The following UGCG variants were observed in gnomAD, a reference collection of about 807,000 sequenced individuals.
The protein encoded by UGCG is UDP-glucose ceramide glucosyltransferase.
A neutral mutation model predicts 49.5 loss-of-function variants in UGCG; 10 were observed. That is an observed-to-expected ratio of 0.20 (90% CI 0.12 to 0.34). The LOEUF (loss-of-function observed/expected upper bound fraction) is 0.34, where lower values mean the gene tolerates loss of function less well. Ranked by LOEUF, UGCG falls within the 10% of genes least tolerant of loss-of-function variation. The pLI is 1.00. For synonymous variants in UGCG, 182 were observed against 158.2 expected (o/e 1.15, Z -1.13); for missense variants, 312 against 483.7 (o/e 0.65, Z 3.33).
intron 4 of UGCG, among the ~76,000 whole-genome samples, chr9:111,925,540 T>C (rs985679801): frequency 1.3e-5 from 2 of 152,182 alleles, no homozygotes; most frequent in Admixed American, 6.5e-5. Context: ...CCCTTCTCAG[T>C]AGTAAAAGCA....
rs57039844 is a variant in UGCG at position 111,933,151 on chromosome 9, GAA to G, written c.*167_*168del. The G allele has an allele frequency of 2.6e-3, 1,060 of 413,680 alleles. No homozygotes were observed. The highest frequency in any genetic ancestry group is 8.1e-3 in the African/African-American group (353 of 43,794). 25.6% of individuals were successfully genotyped at this position (413,680 alleles called of 1,614,324 possible). A position where few individuals can be genotyped will look rare whatever the true frequency, so the allele number is the denominator to read the frequency against. On this transcript the variant is annotated 3_prime_UTR_variant, in exon 9 of 9. Transcript: ENST00000374279. ...ATTTTTGCATGGCACTTGCATCTGT[GAA>G]AAAAAAAAAAAACACATCTGTAGTC... is the stretch of plus-strand genomic sequence containing the variant.
chr9:111,902,860 C>G (rs990051549), intron 1 of UGCG, among the ~76,000 whole-genome samples: 2 of 151,960 alleles, frequency 1.3e-5, no homozygotes, highest in Non-Finnish European at 2.9e-5. Context: ...TTACTGCAAC[C>G]TCCGCCTTCT....
At chr9:111,915,156 G>GA (rs1262951142) in intron 2 of UGCG, among the ~76,000 whole-genome samples, 1 of 152,210 alleles carries the variant, frequency 6.6e-6, no homozygotes, top group East Asian at 1.9e-4. Context: ...CTTCTCCGGA[G>GA]AAACTGGCTT....
chr9:111,932,787 A>C, intron 8 of UGCG, 40 bp from the exon 9 acceptor site: 1 of 1,495,570 alleles, frequency 6.7e-7, no homozygotes, highest in South Asian at 1.4e-5. Context: ...CTTTAGTTTG[A>C]CAGTGAGTGA....
intron 6 of UGCG, 40 bp downstream of exon 6, chr9:111,929,718 A>G: frequency 6.2e-7 from 1 of 1,601,910 alleles, no homozygotes; most frequent in African/African-American, 1.3e-5. Context: ...TTTATTACCT[A>G]ACTTCTGTTG....
intron 2 of UGCG, among the ~76,000 whole-genome samples, chr9:111,921,648 CAA>C (rs1329952563): frequency 3.3e-5 from 4 of 121,314 alleles, no homozygotes; most frequent in Non-Finnish European, 1.8e-5. Flanking sequence ...GACTCTGTCT[CAA>C]AAAAAAAAAA....
chr9:111,898,497 A>G (rs1053241590), intron 1 of UGCG, among the ~76,000 whole-genome samples: 1 of 151,872 alleles, frequency 6.6e-6, no homozygotes, highest in Non-Finnish European at 1.5e-5. Context: ...GAGAAAGATG[A>G]TGCTGGTACA....
rs1456985288 is a variant in UGCG, at chr9:111,896,858, G to C, written c.-358G>C. On this transcript the variant is annotated 5_prime_UTR_variant, in exon 1 of 9. Coordinates refer to ENST00000374279, the MANE Select transcript of UGCG (RefSeq NM_003358.3). ...GTGGAGCTGCTCGGCCGGGAGCCCG[G>C]CGGCGAGACGGAGAGGCGGCGGAGG... 5 of 153,622 alleles carry C rather than the reference G, an allele frequency of 3.3e-5. No homozygotes were observed. The highest frequency in any genetic ancestry group is 1.2e-4 in the African/African-American group (5 of 41,406). The allele number at this position is 153,622 out of a possible 1,614,324, so 9.5% of individuals were successfully genotyped here. A position where few individuals can be genotyped will look rare whatever the true frequency, so the allele number is the denominator to read the frequency against.
chr9:111,930,449 C>T (rs866918514), intron 6 of UGCG, among the ~76,000 whole-genome samples: 2 of 149,158 alleles, frequency 1.3e-5, no homozygotes, highest in African/African-American at 4.9e-5. Context: ...TTCTCTATCA[C>T]AAAATACTTG....
intron 4 of UGCG, among the ~76,000 whole-genome samples, chr9:111,925,283 T>G (rs1838297104): frequency 6.6e-6 from 1 of 152,332 alleles, no homozygotes; most frequent in East Asian, 1.9e-4. Context: ...ACACATACAC[T>G]TATCGGACTA....
chr9:111,915,307 G>T (rs183841561), intron 2 of UGCG, among the ~76,000 whole-genome samples: 54 of 152,274 alleles, frequency 3.5e-4, no homozygotes, highest in African/African-American at 1.1e-3. Context: ...TGTAAACTCA[G>T]TGTACTCCCT....
intron 1 of UGCG, among the ~76,000 whole-genome samples, chr9:111,907,709 C>A (rs150743690): frequency 0.018 from 2,679 of 151,578 alleles, 42 homozygotes; most frequent in East Asian, 0.059. Context: ...ACTGCAACCT[C>A]CGCCTCCCGG....
rs1037098091 is a variant in UGCG at position 111,906,415 on chromosome 9, T to TTG, written c.99-8180_99-8179dup. 4.6e-5 allele frequency among the ~76,000 whole-genome samples: 7 copies of TTG among 151,828 alleles called. No individual in the cohort carries two copies. The East Asian group carries it at 1.2e-3, about 25-fold the overall frequency. On this transcript the variant is annotated intron_variant, in intron 1 of 8. Transcript: ENST00000374279. ...ACTTTGCTTCCTTCGCTTGTTTCTT[T>TTG]TGTGTGTGTGTTTTGTTTTGTTTTG...
intron 1 of UGCG, among the ~76,000 whole-genome samples, chr9:111,898,354 T>C (rs1837705186): frequency 6.6e-6 from 1 of 151,954 alleles, no homozygotes; most frequent in Non-Finnish European, 1.5e-5. Flanking sequence ...TGTATGTTAG[T>C]GGAAGAGACT....
In UGCG at chr9:111,897,206, G is replaced by C; in HGVS notation, c.-10G>C. The C allele has an allele frequency of 3.2e-6, 5 of 1,543,294 alleles. No homozygotes were observed. Among genetic ancestry groups the C allele is most frequent in the Non-Finnish European group, 4.4e-6 (5 of 1,146,114 alleles). ...CCGCAGCGGGCCGGGCCGGTCCGGC[G>C]GGCCGGGGGATGGCGCTGCTGGACC... On this transcript the variant is annotated 5_prime_UTR_variant, in exon 1 of 9. Coordinates refer to ENST00000374279, the MANE Select transcript of UGCG (RefSeq NM_003358.3).
intron 5 of UGCG, among the ~76,000 whole-genome samples, chr9:111,927,570 G>A (rs1384878091): frequency 6.6e-6 from 1 of 152,074 alleles, no homozygotes; most frequent in South Asian, 2.1e-4. Flanking sequence ...TCCTGCCTCA[G>A]CCTCCTGAGT....
rs202132190 is a variant in UGCG at position 111,906,184 on chromosome 9, GA to G, written c.99-8420del. ...TCTCCTAGATGAGATGTCACCACTT[GA>G]TGTCTTGAGAGTAAATTAAAGTTCG... On this transcript the variant is annotated intron_variant, in intron 1 of 8. Coordinates refer to ENST00000374279, the MANE Select transcript of UGCG (RefSeq NM_003358.3). Among the ~76,000 whole-genome samples, 1,493 of 152,196 alleles carry G rather than the reference GA, an allele frequency of 9.8e-3. 34 individuals are homozygous for G. Among genetic ancestry groups the G allele is most frequent in the African/African-American group, 0.034 (1,399 of 41,508 alleles).
Position 111,897,222 on chromosome 9 carries a change from C to T in UGCG, c.7C>T (p.Leu3=). Residue 3 remains leucine (L), a synonymous_variant, in exon 1 of 9, where the codon CTG becomes TTG. Transcript: ENST00000374279. ...CGGTCCGGCGGGCCGGGGGATGGCGCTGCTGGACCTGGCCTTGGAGGGAAT... is the reference window on the plus strand; with the variant it reads ...CGGTCCGGCGGGCCGGGGGATGGCGTTGCTGGACCTGGCCTTGGAGGGAAT... MA[L]LDLALEGMAV... 1.3e-6 allele frequency: 2 copies of T among 1,547,574 alleles called. No homozygotes were observed. Among genetic ancestry groups the T allele is most frequent in the South Asian group, 1.2e-5 (1 of 84,024 alleles).
intron 1 of UGCG, among the ~76,000 whole-genome samples, chr9:111,906,342 A>G (rs1042451891): frequency 6.6e-6 from 1 of 152,096 alleles, no homozygotes; most frequent in African/African-American, 2.4e-5. Context: ...CAATACCATC[A>G]TCAGTTATTG....
Sources: allele counts gnomAD v4.1 joint callset (sites outside exome capture counted in the v4.1 genomes callset), GRCh38; gene constraint gnomAD v4.1.1; transcripts MANE v1.5; gene names NCBI Gene and HGNC (gene_info 2026-07-23, HGNC 2026-07-21).